The following NFIA variants were observed in gnomAD, a reference collection of about 807,000 sequenced individuals.
The protein encoded by NFIA is nuclear factor I A, also known as nuclear factor 1 A-type.
NFIA carries 8 observed loss-of-function variants against 62.8 expected under a neutral mutation model. The ratio of observed to expected loss-of-function variants is 0.13; its 90% CI spans 0.07 to 0.23. The LOEUF is 0.23. NFIA is among the 10% of genes least tolerant of loss of function. The pLI is 1.00. For missense variants in NFIA, 410 were observed against 642.1 expected, an observed-to-expected ratio of 0.64 and a Z score of 3.91; for synonymous variants, 235 against 238.1, an observed-to-expected ratio of 0.99 and a Z score of 0.12.
rs1381207436 is a variant in NFIA at position 61,455,396 on chromosome 1, A to G, written c.*76A>G. ...ACTCTGTAACATGGACGCAACCTCA[A>G]CCCAGCGCAGTTACAACTTCACTAT... On this transcript the variant is annotated 3_prime_UTR_variant, in exon 11 of 11. Transcript: ENST00000403491. 15 of 1,611,406 alleles carry G rather than the reference A, an allele frequency of 9.3e-6. No individual in the cohort carries two copies. The highest frequency in any genetic ancestry group is 2.2e-5 in the East Asian group (1 of 44,854).
intron 3 of NFIA, among the ~76,000 whole-genome samples, chr1:61,298,385 C>T (rs1239453341): frequency 6.6e-6 from 1 of 152,032 alleles, no homozygotes; most frequent in Admixed American, 6.6e-5. Context: ...TTACCCAGTT[C>T]TTGGTGGTAT....
intron 2 of NFIA, among the ~76,000 whole-genome samples, chr1:61,199,919 C>T (rs1390717602): frequency 3.3e-5 from 5 of 149,884 alleles, no homozygotes; most frequent in Non-Finnish European, 7.4e-5. Context: ...CACTTGAAAC[C>T]AGGAGGCGGA....
chr1:61,214,367 A>G (rs1164721989), intron 2 of NFIA, among the ~76,000 whole-genome samples: 3 of 151,954 alleles, frequency 2.0e-5, no homozygotes, highest in African/African-American at 4.8e-5. Flanking sequence ...GAATTTTGCT[A>G]ATATCTTACA....
chr1:61,108,695 G>T (rs1646645465), intron 2 of NFIA, among the ~76,000 whole-genome samples: 1 of 151,406 alleles, frequency 6.6e-6, no homozygotes, highest in African/African-American at 2.4e-5. Flanking sequence ...CAGAGTTAAT[G>T]CCTTAATATT....
At chr1:61,439,631 A>G (rs544742555) in intron 10 of NFIA, 1 of 152,202 alleles carries the variant, frequency 6.6e-6, no homozygotes, top group South Asian at 2.1e-4. Flanking sequence ...GAAAAGGACA[A>G]GGAACATTTT....
chr1:61,375,623 G>C (rs949910738), intron 6 of NFIA, among the ~76,000 whole-genome samples: 3 of 152,004 alleles, frequency 2.0e-5, no homozygotes, highest in African/African-American at 7.2e-5. Flanking sequence ...TCAAATCCTG[G>C]CTCCTCCACT....
intron 10 of NFIA, among the ~76,000 whole-genome samples, chr1:61,427,042 G>A (rs1427295812): frequency 6.6e-6 from 1 of 152,124 alleles, no homozygotes; most frequent in South Asian, 2.1e-4. Context: ...TAAGTTGCTG[G>A]TGTTGGTCCA....
At chr1:61,300,836 T>A (rs181618685) in intron 3 of NFIA, among the ~76,000 whole-genome samples, 49 of 152,102 alleles carry the variant, frequency 3.2e-4, no homozygotes, top group Admixed American at 1.7e-3. Context: ...ATTGGTGGCT[T>A]ATAAGAATAC....
intron 2 of NFIA, among the ~76,000 whole-genome samples, chr1:61,216,952 A>G (rs1653665445): frequency 6.6e-6 from 1 of 151,976 alleles, no homozygotes; most frequent in African/African-American, 2.4e-5. Context: ...GTGAACCAAG[A>G]TCACGCCATT....
intron 5 of NFIA, among the ~76,000 whole-genome samples, 178 bp downstream of exon 5, chr1:61,352,745 G>T (rs1570625197): frequency 7.8e-6 from 1 of 127,616 alleles, no homozygotes; most frequent in Non-Finnish European, 1.6e-5. Context: ...TATGCATGTG[G>T]CAAGATTAAA....
At chr1:61,395,288 G>GTGTTT (rs1553181704) in intron 7 of NFIA, among the ~76,000 whole-genome samples, 3 of 135,664 alleles carry the variant, frequency 2.2e-5, no homozygotes, top group East Asian at 4.1e-4. Context: ...GTGTGTGTGT[G>GTGTTT]TTTTTTTTTT....
intron 9 of NFIA, among the ~76,000 whole-genome samples, chr1:61,419,863 TAAG>T (rs1028265351): frequency 2.0e-5 from 3 of 152,226 alleles, no homozygotes; most frequent in African/African-American, 7.2e-5. Context: ...TTACTAGCGA[TAAG>T]GAGGCTTTTA....
intron 6 of NFIA, among the ~76,000 whole-genome samples, chr1:61,377,493 AGAT>A (rs996308089): frequency 5.9e-5 from 9 of 152,176 alleles, no homozygotes; most frequent in Non-Finnish European, 5.9e-5. Context: ...GTTGGGAATT[AGAT>A]GATGACAATG....
chr1:61,177,264 C>T (rs1046251126), intron 2 of NFIA, among the ~76,000 whole-genome samples: 2 of 152,156 alleles, frequency 1.3e-5, no homozygotes, highest in Admixed American at 6.5e-5. Context: ...CTCCTTCCCA[C>T]ATTTGGGTCT....
chr1:61,154,323 T>G (rs1239006348), intron 2 of NFIA, among the ~76,000 whole-genome samples: 1 of 151,992 alleles, frequency 6.6e-6, no homozygotes, highest in East Asian at 1.9e-4. Flanking sequence ...GCCCAGCTAA[T>G]TTCTGTATTT....
intron 2 of NFIA, among the ~76,000 whole-genome samples, chr1:61,099,688 C>T (rs1202016959): frequency 2.0e-5 from 3 of 152,148 alleles, no homozygotes; most frequent in Non-Finnish European, 4.4e-5. Flanking sequence ...GGGAAATAGA[C>T]GTTCAGAGAG....
rs115435755 is a variant in NFIA, at chr1:61,246,233, T to G, written c.560-31287T>G. On this transcript the variant is annotated intron_variant, in intron 2 of 10. Coordinates refer to ENST00000403491, the MANE Select transcript of NFIA (RefSeq NM_001134673.4). ...TTAAAAAGAGGAACTGGAACTCCTT[T>G]ACAAGTATTACCATTTCCAGGATCT... 4.1e-3 allele frequency among the ~76,000 whole-genome samples: 627 copies of G among 152,308 alleles called. 9 individuals carry two copies. Among genetic ancestry groups the G allele is most frequent in the Admixed American group, 0.019 (292 of 15,306 alleles).
Position 61,082,589 on chromosome 1 carries a change from A to G in NFIA, c.-203A>G. The stretch of plus-strand genomic sequence containing the variant: ...GTTAAAGTTCAGCTCATGGAGCGGC[A>G]ATAGCGCTGGCTGGCTGGCTGCAGT... On this transcript the variant is annotated 5_prime_UTR_variant, in exon 1 of 11. Transcript: ENST00000403491. The G allele has an allele frequency of 2.0e-6, 3 of 1,481,464 alleles. No individual in the cohort carries two copies. The highest frequency in any genetic ancestry group is 1.8e-6 in the Non-Finnish European group (2 of 1,111,186). 91.8% of individuals were successfully genotyped at this position (1,481,464 alleles called of 1,614,324 possible).
At chr1:61,239,070 TC>T (rs1001506409) in intron 2 of NFIA, among the ~76,000 whole-genome samples, 2 of 152,134 alleles carry the variant, frequency 1.3e-5, no homozygotes, top group African/African-American at 4.8e-5. Flanking sequence ...ATAAAAGCAA[TC>T]CCAATCTTGC....
Sources: allele counts gnomAD v4.1 joint callset (sites outside exome capture counted in the v4.1 genomes callset), GRCh38; gene constraint gnomAD v4.1.1; transcripts MANE v1.5; gene names NCBI Gene and HGNC (gene_info 2026-07-23, HGNC 2026-07-21).